The following CHN1 variants were observed in gnomAD, a reference collection of about 807,000 sequenced individuals.
CHN1 encodes the protein chimerin 1.
In CHN1, 37 loss-of-function variants were observed where a neutral mutation model predicts 59.5. The observed-to-expected ratio is 0.62, with a 90% CI of 0.48 to 0.82. CHN1 has a LOEUF of 0.82. CHN1 is among the 40% of genes least tolerant of loss of function. The pLI is 0.00. For synonymous variants in CHN1, 206 were observed against 200.4 expected, an observed-to-expected ratio of 1.03 and a Z score of -0.24; for missense variants, 469 against 571.0, an observed-to-expected ratio of 0.82 and a Z score of 1.82.
At chr2:174,819,731 G>A (rs980465993) in intron 8 of CHN1, among the ~76,000 whole-genome samples, 4 of 151,478 alleles carry the variant, frequency 2.6e-5, no homozygotes, top group Non-Finnish European at 5.9e-5. Context: ...AGTTACATAT[G>A]TATACATGTG....
chr2:174,908,238 A>G (rs1446385904), intron 5 of CHN1, among the ~76,000 whole-genome samples: 3 of 152,224 alleles, frequency 2.0e-5, no homozygotes, highest in African/African-American at 7.2e-5. Flanking sequence ...AACCCTTTAA[A>G]ATCTGTAAGG....
At chr2:174,880,367 T>C (rs926414598) in intron 5 of CHN1, among the ~76,000 whole-genome samples, 10 of 152,246 alleles carry the variant, frequency 6.6e-5, no homozygotes, top group Non-Finnish European at 1.3e-4. Context: ...TACTCTCTTT[T>C]ACTTGGGAAG....
intron 5 of CHN1, among the ~76,000 whole-genome samples, chr2:174,890,697 TAGG>T (rs1255583025): frequency 6.6e-6 from 1 of 151,990 alleles, no homozygotes; most frequent in Non-Finnish European, 1.5e-5. Flanking sequence ...CAACAAGGAA[TAGG>T]AGGACTTAAA....
At chr2:174,939,787 T>C (rs1200251287) in intron 3 of CHN1, among the ~76,000 whole-genome samples, 1 of 152,098 alleles carries the variant, frequency 6.6e-6, no homozygotes. Context: ...AATAATCAAG[T>C]ACCTCATACT....
intron 7 of CHN1, among the ~76,000 whole-genome samples, chr2:174,836,856 A>C (rs1372345406): frequency 6.6e-6 from 1 of 152,132 alleles, no homozygotes; most frequent in African/African-American, 2.4e-5. Context: ...TTTTTCAAAC[A>C]GTCTGTCTTT....
rs528719604 is a variant in CHN1, at chr2:174,987,656, G to A, written c.19+17238C>T. 2.6e-5 allele frequency among the ~76,000 whole-genome samples: 4 copies of A among 152,092 alleles called. No individual in the cohort carries two copies. In the East Asian group the frequency reaches 5.8e-4, roughly 22 times the overall value. ...TCACTGTATTGGCCAGGATGATCTC[G>A]AACTCCTGATCTCATGATCCACCTG... On this transcript the variant is annotated intron_variant, in intron 1 of 12. Coordinates refer to ENST00000409900, the MANE Select transcript of CHN1 (RefSeq NM_001822.7).
chr2:174,875,344 C>T (rs1428472972), intron 6 of CHN1, among the ~76,000 whole-genome samples: 2 of 152,136 alleles, frequency 1.3e-5, no homozygotes, highest in Non-Finnish European at 1.5e-5. Flanking sequence ...CAAGGTCATA[C>T]AATTAGTTGG....
Position 175,005,014 on chromosome 2 carries a change from G to A in CHN1, c.-102C>T. The A allele has an allele frequency of 2.7e-6, 4 of 1,485,308 alleles. No individual in the cohort carries two copies. Among genetic ancestry groups the A allele is most frequent in the South Asian group, 1.2e-5 (1 of 80,250 alleles). The allele number at this position is 1,485,308 out of a possible 1,614,324, so 92.0% of individuals were successfully genotyped here. The stretch of plus-strand genomic sequence containing the variant: ...GCACCCACACCTCGGAGAGAGTGGG[G>A]TGCCCGATGGGGCGTGCTGGGGGCG... On this transcript the variant is annotated 5_prime_UTR_variant, in exon 1 of 13. Transcript: ENST00000409900.
intron 7 of CHN1, among the ~76,000 whole-genome samples, chr2:174,842,866 G>C (rs1686361345): frequency 6.6e-6 from 1 of 152,150 alleles, no homozygotes; most frequent in Admixed American, 6.5e-5. Context: ...CTGTTTGCCT[G>C]TTATCTTGGC....
chr2:174,910,449 C>A (rs1027988338), intron 5 of CHN1, among the ~76,000 whole-genome samples: 3 of 151,432 alleles, frequency 2.0e-5, no homozygotes, highest in Non-Finnish European at 4.4e-5. Context: ...ATGTACTCTG[C>A]AATACATGGA....
chr2:174,858,067 T>C (rs1686960813), intron 6 of CHN1, among the ~76,000 whole-genome samples: 1 of 152,160 alleles, frequency 6.6e-6, no homozygotes, highest in South Asian at 2.1e-4. Context: ...CTCACTAATT[T>C]AATGGAGGCA....
intron 1 of CHN1, among the ~76,000 whole-genome samples, chr2:174,972,149 C>T (rs1690779004): frequency 6.6e-6 from 1 of 152,166 alleles, no homozygotes; most frequent in Non-Finnish European, 1.5e-5. Flanking sequence ...TTAAAGTCTT[C>T]TCCTTGCTGC....
chr2:174,914,842 CA>C (rs577375465), intron 5 of CHN1, among the ~76,000 whole-genome samples: 1,353 of 100,054 alleles, frequency 0.014, 9 homozygotes, highest in East Asian at 0.038. Flanking sequence ...AGATTCCATT[CA>C]AAAAAAAAAA....
chr2:174,924,593 T>C (rs964501357), intron 3 of CHN1, among the ~76,000 whole-genome samples: 9 of 151,510 alleles, frequency 5.9e-5, no homozygotes, highest in South Asian at 2.1e-4. Flanking sequence ...TCCTCTACAA[T>C]AGCATTTAGA....
In CHN1 at chr2:175,004,982, GC is replaced by G; in HGVS notation, c.-71del. The G allele has an allele frequency of 6.6e-7, 1 of 1,506,322 alleles. No individual in the cohort carries two copies. The allele number at this position is 1,506,322 out of a possible 1,614,324, so 93.3% of individuals were successfully genotyped here. ...AGGCGGGCTAGGGATCACCTCATCA[GC>G]CCGCCGCACCCACACCTCGGAGAGA... On this transcript the variant is annotated 5_prime_UTR_variant, in exon 1 of 13. Coordinates refer to ENST00000409900, the MANE Select transcript of CHN1 (RefSeq NM_001822.7).
rs376827050 is a variant in CHN1, at chr2:174,878,046, C to G, written c.343G>C (p.Asp115His). The change falls in exon 6 of 13, where the codon GAT becomes CAT. Residue 115 changes from aspartate to histidine, a missense_variant. By Grantham distance (81) the Asp-to-His change is moderately conservative (BLOSUM62 -1). Coordinates refer to ENST00000409900, the MANE Select transcript of CHN1 (RefSeq NM_001822.7). ...GTAATCAAGCCATCAGTCACCAGAT[C>G]GTGGATGGACTCAAAGCGTTTCTCC... is the stretch of plus-strand genomic sequence containing the variant. ...VGEKRFESIH[D>H]LVTDGLITLY... 1.2e-6 allele frequency: 2 copies of G among 1,613,586 alleles called. No homozygotes were observed. The highest frequency in any genetic ancestry group is 3.3e-5 in the Admixed American group (2 of 59,994).
intron 6 of CHN1, among the ~76,000 whole-genome samples, chr2:174,862,675 G>C (rs1226119766): frequency 6.6e-6 from 1 of 152,108 alleles, no homozygotes; most frequent in Non-Finnish European, 1.5e-5. Context: ...ATTAGTTACT[G>C]TAGGCTTTTT....
intron 6 of CHN1, among the ~76,000 whole-genome samples, chr2:174,874,871 T>C (rs906568057): frequency 1.7e-5 from 1 of 60,002 alleles, no homozygotes; most frequent in African/African-American, 6.7e-5. Context: ...TTTTATTTAT[T>C]CTTTTTTTTT....
intron 7 of CHN1, among the ~76,000 whole-genome samples, chr2:174,838,979 T>C (rs1032025677): frequency 2.0e-5 from 3 of 151,278 alleles, no homozygotes; most frequent in African/African-American, 4.9e-5. Flanking sequence ...ATTGTGCCAC[T>C]GCACTCCAGC....
Sources: allele counts gnomAD v4.1 joint callset (sites outside exome capture counted in the v4.1 genomes callset), GRCh38; gene constraint gnomAD v4.1.1; transcripts MANE v1.5; gene names NCBI Gene and HGNC (gene_info 2026-07-23, HGNC 2026-07-21).